Variants in LDLRAD3 observed in about 807,000 individuals in gnomAD.
The protein encoded by LDLRAD3 is low-density lipoprotein receptor class A domain-containing protein 3.
Under a neutral mutation model 29.4 loss-of-function variants are expected in LDLRAD3, and 20 were observed. That is an observed-to-expected ratio of 0.68 (90% CI 0.48 to 0.99). The LOEUF (loss-of-function observed/expected upper bound fraction) is 0.99, where lower values mean the gene tolerates loss of function less well. Among genes scored for constraint, LDLRAD3 ranks in the 50% least tolerant of loss-of-function variants. LDLRAD3 has a pLI of 0.00. For synonymous variants in LDLRAD3, 157 were observed against 192.7 expected (o/e 0.81, Z 1.53); for missense variants, 420 against 454.3 (o/e 0.92, Z 0.69).
intron 4 of LDLRAD3, among the ~76,000 whole-genome samples, chr11:36,210,896 A>G (rs1415042603): frequency 6.6e-6 from 1 of 152,222 alleles, no homozygotes; most frequent in African/African-American, 2.4e-5. Flanking sequence ...GGATAGCGGG[A>G]GAGGGGTGTG....
At chr11:35,982,277 C>T (rs1851551524) in intron 1 of LDLRAD3, among the ~76,000 whole-genome samples, 1 of 152,128 alleles carries the variant, frequency 6.6e-6, no homozygotes, top group African/African-American at 2.4e-5. Context: ...GTTCCTTGGG[C>T]AGCATTCCCT....
At chr11:35,967,979 CT>C in intron 1 of LDLRAD3, 1 of 415,850 alleles carries the variant, frequency 2.4e-6, no homozygotes. Context: ...TCATATAGTG[CT>C]TTATTGCATA....
At chr11:36,194,392 C>T (rs986966697) in intron 4 of LDLRAD3, among the ~76,000 whole-genome samples, 2 of 152,152 alleles carry the variant, frequency 1.3e-5, no homozygotes, top group African/African-American at 4.8e-5. Flanking sequence ...TTCTAAGGGG[C>T]CAGGGAAGTG....
rs78351014 is a variant in LDLRAD3 at position 36,132,944 on chromosome 11, C to T, written c.454+34483C>T. On this transcript the variant is annotated intron_variant, in intron 4 of 5. Coordinates refer to ENST00000315571, the MANE Select transcript of LDLRAD3 (RefSeq NM_174902.4). Reference sequence around the variant, plus strand: ...ACTTCCTCTCCCCAGCCTCAGTTCCCCCCTTTTGGGGATAATAGAATGAGT... The same window carrying T: ...ACTTCCTCTCCCCAGCCTCAGTTCCTCCCTTTTGGGGATAATAGAATGAGT... Among the ~76,000 whole-genome samples the T allele has an allele frequency of 5.9e-5, 9 of 152,328 alleles. No individual in the cohort carries two copies. The East Asian group carries it at 1.5e-3, about 26-fold the overall frequency.
Position 36,231,481 on chromosome 11 carries a change from CCTTTGATGGGGCCCCTTCTT to C in LDLRAD3, c.*2089_*2108del, listed in dbSNP as rs1855575057. On this transcript the variant is annotated 3_prime_UTR_variant, in exon 6 of 6. Transcript: ENST00000315571. ...GTGAGTCAGAAGGGCTTTATTTCTC[CCTTTGATGGGGCCCCTTCTT>C]CTTTCTGGTGCTCTGGAAGTTGTTT... 1 of 152,028 alleles carries C rather than the reference CCTTTGATGGGGCCCCTTCTT, an allele frequency of 6.6e-6. No homozygotes were observed. The highest frequency in any genetic ancestry group is 1.5e-5 in the Non-Finnish European group (1 of 68,004). The allele number at this position is 152,028 out of a possible 1,614,324, so 9.4% of individuals were successfully genotyped here. A position where few individuals can be genotyped will look rare whatever the true frequency, so the allele number is the denominator to read the frequency against.
chr11:35,974,410 A>G (rs1333204727), intron 1 of LDLRAD3, among the ~76,000 whole-genome samples: 1 of 151,966 alleles, frequency 6.6e-6, no homozygotes, highest in Non-Finnish European at 1.5e-5. Context: ...CAATATTATC[A>G]CAAACTCCAT....
At chr11:36,053,122 A>T (rs548042703) in intron 2 of LDLRAD3, among the ~76,000 whole-genome samples, 2 of 152,206 alleles carry the variant, frequency 1.3e-5, no homozygotes, top group Admixed American at 6.5e-5. Flanking sequence ...CAAAGCAGCT[A>T]TAAGTCTATT....
chr11:35,944,251 C>A lies in LDLRAD3; in HGVS notation c.46+107C>A. 1 of 671,884 alleles carries A rather than the reference C, an allele frequency of 1.5e-6. No homozygotes were observed. Among genetic ancestry groups the A allele is most frequent in the Non-Finnish European group, 1.8e-6 (1 of 542,566 alleles). 41.6% of individuals were successfully genotyped at this position (671,884 alleles called of 1,614,324 possible). ...CCTCTCCCGGGCGCGGGCCGCTCTC[C>A]GGGCGTGGGTGAGCGCGGAGGGCGG... On this transcript the variant is annotated intron_variant, in intron 1 of 5. Transcript: ENST00000315571. The surrounding 1 kb of genome is among the most constrained non-coding windows in gnomAD (Gnocchi z 4.9).
intron 4 of LDLRAD3, among the ~76,000 whole-genome samples, chr11:36,203,798 C>T (rs1855163594): frequency 6.6e-6 from 1 of 152,178 alleles, no homozygotes. Flanking sequence ...CAGAAGGCTT[C>T]TCCACCCTTG....
At chr11:36,218,356 A>C (rs1471724825) in intron 4 of LDLRAD3, among the ~76,000 whole-genome samples, 2 of 152,210 alleles carry the variant, frequency 1.3e-5, no homozygotes, top group East Asian at 1.9e-4. Context: ...ACGACAGGCC[A>C]AACAGGGTGA....
At chr11:36,162,390 T>C (rs1005276735) in intron 4 of LDLRAD3, among the ~76,000 whole-genome samples, 4 of 152,234 alleles carry the variant, frequency 2.6e-5, no homozygotes, top group African/African-American at 9.6e-5. Flanking sequence ...TTTCTGTCAC[T>C]GTGCACCATG....
intron 2 of LDLRAD3, among the ~76,000 whole-genome samples, chr11:36,079,086 C>T (rs946255966): frequency 7.9e-5 from 12 of 152,314 alleles, no homozygotes; most frequent in Admixed American, 2.0e-4. Flanking sequence ...GACCTACTGC[C>T]GCCACTGCTG....
At chr11:36,121,103 T>C (rs10836496) in intron 4 of LDLRAD3, among the ~76,000 whole-genome samples, 65,963 of 152,012 alleles carry the variant, frequency 0.43, 15,156 homozygotes, top group Admixed American at 0.51. Context: ...GTCCCCGGTA[T>C]CCAGGGCATC....
At chr11:36,184,372 T>A (rs1854814697) in intron 4 of LDLRAD3, among the ~76,000 whole-genome samples, 1 of 152,250 alleles carries the variant, frequency 6.6e-6, no homozygotes, top group Admixed American at 6.5e-5. Flanking sequence ...AGTAATATGT[T>A]TATGATTAGG....
intron 4 of LDLRAD3, among the ~76,000 whole-genome samples, chr11:36,205,008 C>T (rs946629240): frequency 2.0e-5 from 3 of 152,134 alleles, no homozygotes; most frequent in African/African-American, 7.2e-5. Flanking sequence ...CCCATCTTCC[C>T]CTCAGGTTCC....
intron 2 of LDLRAD3, among the ~76,000 whole-genome samples, chr11:36,048,028 T>TA (rs34260611): frequency 0.39 from 59,210 of 151,882 alleles, 11,751 homozygotes; most frequent in African/African-American, 0.47. Context: ...AGGCACTTAA[T>TA]ACGATACACT....
At position 36,081,773 on chromosome 11, in the gene LDLRAD3, A is replaced by C. The variant is rs745660995; in HGVS notation, c.314A>C (p.Asn105Thr). The change falls in exon 3 of 6, where the codon AAC becomes ACC. Residue 105 changes from asparagine to threonine, a missense_variant. Physicochemically the swap from Asn to Thr is moderately conservative, Grantham distance 65 (BLOSUM62 0). Around this residue, in one of 3 missense-constraint regions of LDLRAD3, gnomAD observed 224 missense variants for 222.2 expected, o/e 1.01. Transcript: ENST00000315571. ...EDCPDGSDEE[N>T]CTANPLLCST... is the part of the protein sequence containing the mutation. ...TGTCCCGATGGCAGCGATGAAGAGA[A>C]CTGCAGTAAGTGCTGCGCACTTGAA... 1.2e-6 allele frequency: 2 copies of C among 1,614,196 alleles called. No homozygotes were observed. The highest frequency in any genetic ancestry group is 1.7e-6 in the Non-Finnish European group (2 of 1,180,002).
chr11:36,209,353 C>CTTTTTTTTTTTTTTTTTTTTTTTTT (rs71044560), intron 4 of LDLRAD3, among the ~76,000 whole-genome samples: 1 of 68,604 alleles, frequency 1.5e-5, no homozygotes, highest in South Asian at 5.9e-4. Context: ...AGAAACTGTA[C>CTTTTTTTTTTTTTTTTTTTTTTTTT]TTTTTTTTTT....
intron 4 of LDLRAD3, among the ~76,000 whole-genome samples, chr11:36,119,942 T>C (rs1440156312): frequency 3.9e-5 from 6 of 152,250 alleles, no homozygotes; most frequent in African/African-American, 1.4e-4. Flanking sequence ...TACATTTTCT[T>C]TTAAGAGTTT....
Sources: allele counts gnomAD v4.1 joint callset (sites outside exome capture counted in the v4.1 genomes callset), GRCh38; gene constraint gnomAD v4.1.1; regional missense constraint gnomAD v4.1.1; non-coding constraint Gnocchi (gnomAD v3.1); transcripts MANE v1.5; gene names NCBI Gene and HGNC (gene_info 2026-07-23, HGNC 2026-07-21).